LAMA2: variants seen among roughly 807,000 people sequenced by gnomAD.
The protein encoded by LAMA2 is laminin subunit alpha 2.
Under a neutral mutation model 364.8 loss-of-function variants are expected in LAMA2, and 269 were observed. That is an observed-to-expected ratio of 0.74 (90% CI 0.67 to 0.82). The LOEUF (loss-of-function observed/expected upper bound fraction) is 0.82. LAMA2 is among the 40% of genes least tolerant of loss of function. The pLI is 0.00. For synonymous variants in LAMA2, 1,379 were observed against 1,370.6 expected (o/e 1.01, Z -0.14); for missense variants, 3,807 against 3,873.2 (o/e 0.98, Z 0.45).
intron 12 of LAMA2, among the ~76,000 whole-genome samples, chr6:129,219,943 C>T (rs1200491070): frequency 6.6e-6 from 1 of 151,058 alleles, no homozygotes; most frequent in African/African-American, 2.4e-5. Context: ...ACATGGTGCA[C>T]ATGTACCCTA....
At chr6:129,336,981 A>ATCTCTAT (rs1562472608) in intron 29 of LAMA2, among the ~76,000 whole-genome samples, 1 of 152,234 alleles carries the variant, frequency 6.6e-6, no homozygotes, top group Non-Finnish European at 1.5e-5. Flanking sequence ...ACAGTTAACA[A>ATCTCTAT]GATGAGATTA....
intron 1 of LAMA2, among the ~76,000 whole-genome samples, chr6:129,035,375 T>G (rs1786562686): frequency 1.3e-5 from 2 of 151,532 alleles, no homozygotes. Context: ...TTTTTCTTGT[T>G]GATTTAAGTT....
At chr6:129,024,456 T>C (rs565092497) in intron 1 of LAMA2, among the ~76,000 whole-genome samples, 1 of 149,236 alleles carries the variant, frequency 6.7e-6, no homozygotes, top group East Asian at 2.0e-4. Flanking sequence ...TGATCTCAGC[T>C]CACTGCAACC....
chr6:129,267,670 T>G (rs1214695870), intron 16 of LAMA2, among the ~76,000 whole-genome samples: 1 of 152,142 alleles, frequency 6.6e-6, no homozygotes, highest in Non-Finnish European at 1.5e-5. Flanking sequence ...ATATTTTTAT[T>G]TAAAATGTTC....
intron 7 of LAMA2, among the ~76,000 whole-genome samples, chr6:129,152,100 A>G (rs1778841253): frequency 6.6e-6 from 1 of 152,226 alleles, no homozygotes; most frequent in Non-Finnish European, 1.5e-5. Context: ...GATCTTACAT[A>G]TCAATAAGAA....
chr6:128,895,277 A>G (rs959239282), intron 1 of LAMA2, among the ~76,000 whole-genome samples: 13 of 152,080 alleles, frequency 8.5e-5, no homozygotes, highest in East Asian at 3.9e-4. Context: ...TGCCCAAACT[A>G]TAGTAGAGAT....
chr6:128,950,030 G>A (rs138072320), intron 1 of LAMA2, among the ~76,000 whole-genome samples: 2 of 152,192 alleles, frequency 1.3e-5, no homozygotes, highest in African/African-American at 4.8e-5. Context: ...TAAATACTAT[G>A]TGGAGAATTT....
chr6:129,158,021 G>A (rs1779227335), intron 8 of LAMA2: 2 of 1,613,312 alleles, frequency 1.2e-6, no homozygotes, highest in Non-Finnish European at 8.5e-7. Flanking sequence ...TGATGAGGAT[G>A]TTTTTGCTCT....
At chr6:128,963,596 C>T (rs187027885) in intron 1 of LAMA2, among the ~76,000 whole-genome samples, 10 of 152,074 alleles carry the variant, frequency 6.6e-5, no homozygotes, top group Admixed American at 2.0e-4. Flanking sequence ...AAAAGAACCT[C>T]AGCAAAACCT....
intron 1 of LAMA2, among the ~76,000 whole-genome samples, chr6:128,952,540 A>T (rs1050662592): frequency 6.6e-6 from 1 of 152,168 alleles, no homozygotes; most frequent in Non-Finnish European, 1.5e-5. Flanking sequence ...AAAAAAATTA[A>T]AGCTTGATTG....
intron 4 of LAMA2, among the ~76,000 whole-genome samples, chr6:129,130,673 T>C (rs1777416297): frequency 6.6e-6 from 1 of 152,236 alleles, no homozygotes; most frequent in Admixed American, 6.5e-5. Context: ...TTCACTGGAC[T>C]TACAGCGTAT....
intron 12 of LAMA2, among the ~76,000 whole-genome samples, chr6:129,200,097 T>C (rs574611404): frequency 6.9e-6 from 1 of 144,866 alleles, no homozygotes; most frequent in South Asian, 2.2e-4. Context: ...TATATACACG[T>C]GTATATGTGT....
chr6:129,190,858 ATTAC>A (rs1464313770), intron 11 of LAMA2, among the ~76,000 whole-genome samples: 3 of 152,176 alleles, frequency 2.0e-5, no homozygotes, highest in South Asian at 2.1e-4. Flanking sequence ...TTGAAAAATT[ATTAC>A]TTAAACTATT....
At chr6:129,456,149 A>G (rs1218041298) in intron 47 of LAMA2, among the ~76,000 whole-genome samples, 186 bp from the exon 48 acceptor site, 3 of 152,092 alleles carry the variant, frequency 2.0e-5, no homozygotes, top group Non-Finnish European at 4.4e-5. Context: ...CCAAGATCAG[A>G]CTCTGAGTAT....
intron 12 of LAMA2, among the ~76,000 whole-genome samples, chr6:129,199,959 A>T (rs1310920875): frequency 5.9e-5 from 9 of 151,772 alleles, no homozygotes; most frequent in Non-Finnish European, 1.2e-4. Context: ...AACGCCTGCA[A>T]TCCCAGCTAC....
intron 32 of LAMA2, among the ~76,000 whole-genome samples, chr6:129,362,623 A>C (rs1398255937): frequency 6.6e-6 from 1 of 152,224 alleles, no homozygotes; most frequent in Non-Finnish European, 1.5e-5. Flanking sequence ...AGGCACCATA[A>C]CCAAGGTGTT....
intron 1 of LAMA2, among the ~76,000 whole-genome samples, chr6:129,044,665 G>T (rs1787347035): frequency 6.6e-6 from 1 of 151,246 alleles, no homozygotes; most frequent in Non-Finnish European, 1.5e-5. Context: ...TTTGATTTTT[G>T]TTCAGACATT....
At chr6:128,928,926 A>T (rs1779264918) in intron 1 of LAMA2, 1 of 781,940 alleles carries the variant, frequency 1.3e-6, no homozygotes, top group South Asian at 1.5e-5. Flanking sequence ...TCCTAAGTGG[A>T]ATACACAACA....
intron 1 of LAMA2, among the ~76,000 whole-genome samples, chr6:129,023,074 T>A (rs1785548989): frequency 6.6e-6 from 1 of 152,160 alleles, no homozygotes; most frequent in African/African-American, 2.4e-5. Flanking sequence ...ATTTATGCAC[T>A]ACCCTCCCTG....
Sources: gnomAD v4.1 joint callset for allele counts (sites outside exome capture counted in the v4.1 genomes callset) on GRCh38, gnomAD v4.1.1 for gene constraint, MANE v1.5 for transcripts, NCBI Gene and HGNC (gene_info 2026-07-23, HGNC 2026-07-21) for gene names.